Variants in RNF125 observed in about 807,000 individuals in gnomAD.
RNF125 encodes the protein E3 ubiquitin-protein ligase RNF125.
Under a neutral mutation model 26.0 loss-of-function variants are expected in RNF125, and 21 were observed. That is an observed-to-expected ratio of 0.81 (90% CI 0.57 to 1.16). RNF125 has a LOEUF of 1.16. Among genes scored for constraint, RNF125 ranks in the 50% most tolerant of loss-of-function variants. RNF125 has a pLI of 0.00. For synonymous variants in RNF125, 95 were observed against 109.2 expected, an observed-to-expected ratio of 0.87 and a Z score of 0.81; for missense variants, 270 against 299.4, an observed-to-expected ratio of 0.90 and a Z score of 0.72.
chr18:32,065,155 G>T lies in RNF125; in HGVS notation c.505-747G>T, dbSNP rs542478153. Among the ~76,000 whole-genome samples, 8 of 152,282 alleles carry T rather than the reference G, an allele frequency of 5.3e-5. No individual in the cohort carries two copies. The South Asian group carries it at 1.5e-3, about 28-fold the overall frequency. On this transcript the variant is annotated intron_variant, in intron 4 of 5. Coordinates refer to ENST00000217740, the MANE Select transcript of RNF125 (RefSeq NM_017831.4). The stretch of plus-strand genomic sequence containing the variant: ...ATGCAATTTTATAACATAATACTGA[G>T]GTATGGCTAATGGATGAATAAAGTT...
chr18:32,075,031 G>T (rs1313178403), downstream of RNF125, among the ~76,000 whole-genome samples: 1 of 152,064 alleles, frequency 6.6e-6, no homozygotes, highest in Non-Finnish European at 1.5e-5. Flanking sequence ...TACTCCTTGT[G>T]TGCCGCCATC....
chr18:32,037,389 T>TTA (rs2039168550), intron 2 of RNF125, 120 bp downstream of exon 2: 1 of 538,984 alleles, frequency 1.9e-6, no homozygotes, highest in Non-Finnish European at 2.9e-6. Flanking sequence ...TTTTTTTTTT[T>TTA]GAGACAGGTT....
intron 4 of RNF125, among the ~76,000 whole-genome samples, chr18:32,058,352 T>TC (rs1277660770): frequency 6.0e-5 from 4 of 66,752 alleles, no homozygotes; most frequent in African/African-American, 1.6e-4. Context: ...CCAATTATAC[T>TC]CTTTTTTTTT....
chr18:32,058,459 C>G (rs1302220094), intron 4 of RNF125, among the ~76,000 whole-genome samples: 1 of 151,998 alleles, frequency 6.6e-6, no homozygotes, highest in Non-Finnish European at 1.5e-5. Flanking sequence ...GATTCTCCTG[C>G]CTCAGCCTCC....
rs1479609721 is a variant in RNF125 at position 32,069,682 on chromosome 18, C to A, written c.*1298C>A. ...ACTTTGTTGCATTTGATTACTGCTG[C>A]CACACCTAAATGCATATATCTATAT... is the stretch of plus-strand genomic sequence containing the variant. On this transcript the variant is annotated 3_prime_UTR_variant, in exon 6 of 6. Transcript: ENST00000217740. The A allele has an allele frequency of 6.6e-6, 1 of 152,116 alleles. No homozygotes were observed. Among genetic ancestry groups the A allele is most frequent in the South Asian group, 2.1e-4 (1 of 4,832 alleles). The allele number at this position is 152,116 out of a possible 1,614,324, so 9.4% of individuals were successfully genotyped here.
chr18:32,025,484 C>T (rs538790245), intron 1 of RNF125, among the ~76,000 whole-genome samples: 2 of 151,716 alleles, frequency 1.3e-5, no homozygotes, highest in South Asian at 2.1e-4. Context: ...CCCAACATGG[C>T]GAAACCCCGT....
Position 32,068,608 on chromosome 18 carries a change from A to G in RNF125, c.*224A>G. 2.3e-6 allele frequency: 1 copy of G among 431,552 alleles called. No homozygotes were observed. Among genetic ancestry groups the G allele is most frequent in the South Asian group, 3.1e-5 (1 of 31,780 alleles). The allele number at this position is 431,552 out of a possible 1,614,324, so 26.7% of individuals were successfully genotyped here. A position where few individuals can be genotyped will look rare whatever the true frequency, so the allele number is the denominator to read the frequency against. ...TCTTACACATCTAACAACAAAAAAA[A>G]TTATCTACATCAGTCATTGTTACAT... On this transcript the variant is annotated 3_prime_UTR_variant, in exon 6 of 6. Coordinates refer to ENST00000217740, the MANE Select transcript of RNF125 (RefSeq NM_017831.4).
intron 4 of RNF125, among the ~76,000 whole-genome samples, chr18:32,053,155 G>A (rs2039345112): frequency 6.6e-6 from 1 of 152,180 alleles, no homozygotes; most frequent in African/African-American, 2.4e-5. Flanking sequence ...CTGAGGTCGG[G>A]AGTTCGAGAC....
At position 32,028,326 on chromosome 18, in the gene RNF125, T is replaced by A. The variant is rs9951371; in HGVS notation, c.165-8790T>A. ...AAAAAAAAAAAAAAAAAAAAAAAAATAATAGGTAGTGGTTCATGATAAGTT... is the reference window on the plus strand; with the variant it reads ...AAAAAAAAAAAAAAAAAAAAAAAAAAAATAGGTAGTGGTTCATGATAAGTT... On this transcript the variant is annotated intron_variant, in intron 1 of 5. Coordinates refer to ENST00000217740, the MANE Select transcript of RNF125 (RefSeq NM_017831.4). Among the ~76,000 whole-genome samples the A allele has an allele frequency of 7.4e-3, 913 of 122,868 alleles. 8 individuals carry two copies. The highest frequency in any genetic ancestry group is 0.01 in the Non-Finnish European group (604 of 59,492). The allele number at this position is 122,868 out of a possible 152,430, so 80.6% of individuals were successfully genotyped here. A position where few individuals can be genotyped will look rare whatever the true frequency, so the allele number is the denominator to read the frequency against.
chr18:32,041,935 T>C (rs1029089686), intron 2 of RNF125: 1 of 425,044 alleles, frequency 2.4e-6, no homozygotes, highest in African/African-American at 2.1e-5. Context: ...CGGCCGTATA[T>C]GCTTTTTAGA....
intron 2 of RNF125, among the ~76,000 whole-genome samples, chr18:32,038,162 C>T (rs1336388686): frequency 1.3e-5 from 2 of 150,738 alleles, no homozygotes; most frequent in South Asian, 2.1e-4. Context: ...GATTCTAATG[C>T]CTCAGCTTCC....
chr18:32,055,979 CAAAAAA>C (rs67968645), intron 4 of RNF125, among the ~76,000 whole-genome samples: 25 of 78,872 alleles, frequency 3.2e-4, no homozygotes, highest in East Asian at 1.1e-3. Flanking sequence ...AACTCCATCT[CAAAAAA>C]AAAAAAAAAA....
At chr18:32,083,215 T>C in the RNF125 span, among the ~76,000 whole-genome samples, 4 of 152,194 alleles carry the variant, frequency 2.6e-5, no homozygotes, top group Non-Finnish European at 4.4e-5. Context: ...ACATTTCTTA[T>C]TTGGTCTAAG....
At chr18:32,020,875 C>T (rs2038979983) in intron 1 of RNF125, among the ~76,000 whole-genome samples, 1 of 151,678 alleles carries the variant, frequency 6.6e-6, no homozygotes, top group African/African-American at 2.4e-5. Flanking sequence ...CATCATTGCA[C>T]TCTAGCCCGG....
At chr18:32,087,400 C>T in the RNF125 span, among the ~76,000 whole-genome samples, 12 of 151,892 alleles carry the variant, frequency 7.9e-5, no homozygotes, top group East Asian at 2.0e-4. Context: ...TCTGGAGGCC[C>T]GGACTTGTAA....
At position 32,065,891 on chromosome 18, in the gene RNF125, T is replaced by A. The variant is rs1220918285; in HGVS notation, c.505-11T>A. On this transcript the variant is annotated splice_polypyrimidine_tract_variant and intron_variant, in intron 4 of 5. Coordinates refer to ENST00000217740, the MANE Select transcript of RNF125 (RefSeq NM_017831.4). ...ATTCTTTCTTGAACCCCTGGTCTTG[T>A]TTGTTTCCAGTTCTGTCCACTTTGC... The A allele has an allele frequency of 2.5e-6, 4 of 1,577,648 alleles. No individual in the cohort carries two copies. The highest frequency in any genetic ancestry group is 3.5e-6 in the Non-Finnish European group (4 of 1,148,920).
At chr18:32,065,226 ATTGT>A (rs942772624) in intron 4 of RNF125, among the ~76,000 whole-genome samples, 2 of 151,820 alleles carry the variant, frequency 1.3e-5, no homozygotes, top group African/African-American at 4.8e-5. Flanking sequence ...TTTTGTTGTT[ATTGT>A]TTGTTTTGTT....
intron 1 of RNF125, among the ~76,000 whole-genome samples, chr18:32,024,192 CTTTTT>C (rs1236240547): frequency 2.8e-5 from 2 of 71,584 alleles, no homozygotes; most frequent in Non-Finnish European, 5.8e-5. Flanking sequence ...TCATGCCATT[CTTTTT>C]TTTTTTTTTT....
intron 4 of RNF125, among the ~76,000 whole-genome samples, chr18:32,050,733 C>A (rs955310847): frequency 6.6e-6 from 1 of 151,938 alleles, no homozygotes; most frequent in Non-Finnish European, 1.5e-5. Flanking sequence ...ATTATGAGAC[C>A]ACTTTTTTTC....
Sources: gnomAD v4.1 joint callset for allele counts (sites outside exome capture counted in the v4.1 genomes callset) on GRCh38, gnomAD v4.1.1 for gene constraint, MANE v1.5 for transcripts, NCBI Gene and HGNC (gene_info 2026-07-23, HGNC 2026-07-21) for gene names.